Variants in SLC7A10 observed in about 807,000 individuals in gnomAD.
SLC7A10 encodes asc-type amino acid transporter 1.
In SLC7A10, 30 loss-of-function variants were observed where a neutral mutation model predicts 52.7. That is an observed-to-expected ratio of 0.57 (90% confidence interval 0.43 to 0.77). SLC7A10 has a LOEUF of 0.77. Among genes scored for constraint, SLC7A10 ranks in the 30% least tolerant of loss-of-function variants. The pLI is 0.00. For synonymous variants in SLC7A10, 318 were observed against 314.9 expected, an observed-to-expected ratio of 1.01 and a Z score of -0.10; for missense variants, 581 against 698.5, an observed-to-expected ratio of 0.83 and a Z score of 1.90.
chr19:33,213,148 A>G, intron 2 of SLC7A10, 146 bp from the exon 3 acceptor site: 1 of 1,045,916 alleles, frequency 9.6e-7, no homozygotes, highest in Non-Finnish European at 1.4e-6. Context: ...CCAGGGAGGC[A>G]GGGTTGACCT....
Position 33,209,220 on chromosome 19 carries a change from C to T in SLC7A10, c.1441+88G>A, listed in dbSNP as rs1974481555. On this transcript the variant is annotated intron_variant, in intron 10 of 10. Transcript: ENST00000253188. ...TGTTCCCACCTCAGCTGCTAGGACA[C>T]CCTGCTCTGGGGTGAGCCTCTAAGA... 7.0e-6 allele frequency: 11 copies of T among 1,577,670 alleles called. No individual in the cohort carries two copies. In the South Asian group the frequency reaches 1.1e-4, roughly 16 times the overall value.
rs190330719 is a variant in SLC7A10, at chr19:33,214,245, G to A, written c.357-1243C>T. Among the ~76,000 whole-genome samples, 23 of 152,272 alleles carry A rather than the reference G, an allele frequency of 1.5e-4. No individual in the cohort carries two copies. In the East Asian group the frequency reaches 4.3e-3, roughly 28 times the overall value. The stretch of plus-strand genomic sequence containing the variant: ...GCACCCACAGCAGCGTGCAAGCCCT[G>A]GCACGTCTCCCCATCCAAGGCTGCC... On this transcript the variant is annotated intron_variant, in intron 2 of 10. Coordinates refer to ENST00000253188, the MANE Select transcript of SLC7A10 (RefSeq NM_019849.3).
intron 1 of SLC7A10, among the ~76,000 whole-genome samples, chr19:33,222,152 A>C (rs1974807): frequency 0.2 from 29,939 of 151,732 alleles, 3,072 homozygotes; most frequent in Middle Eastern, 0.23. Flanking sequence ...TAACCCTAAC[A>C]CTCTGGGAGG....
At chr19:33,217,984 G>A (rs973658725) in intron 1 of SLC7A10, 1 of 152,280 alleles carries the variant, frequency 6.6e-6, no homozygotes, top group East Asian at 1.9e-4. Context: ...GGGCTGTAAG[G>A]TTTCTAAAGA....
intron 1 of SLC7A10, chr19:33,220,076 G>A (rs1414157032): frequency 6.6e-6 from 1 of 152,210 alleles, no homozygotes; most frequent in Admixed American, 6.5e-5. Context: ...TCAAGCGCAC[G>A]GGTGTCCTCA....
chr19:33,219,551 G>C (rs1245459069), intron 1 of SLC7A10, among the ~76,000 whole-genome samples: 1 of 152,236 alleles, frequency 6.6e-6, no homozygotes, highest in Admixed American at 6.5e-5. Flanking sequence ...GGACCCGACT[G>C]TGTGACTCAG....
intron 1 of SLC7A10, among the ~76,000 whole-genome samples, chr19:33,221,547 G>A (rs559725892): frequency 6.6e-6 from 1 of 152,282 alleles, no homozygotes; most frequent in East Asian, 1.9e-4. Flanking sequence ...ACTGTAGTGG[G>A]GAACAGCTAA....
chr19:33,211,377 TGGGCAGGAGCCA>T, intron 6 of SLC7A10, 25 bp downstream of exon 6: 1 of 1,613,570 alleles, frequency 6.2e-7, no homozygotes, highest in Non-Finnish European at 8.5e-7. Flanking sequence ...GGCAGGGGCC[TGGGCAGGAGCCA>T]GGGACCGAGC....
At position 33,212,298 on chromosome 19, in the gene SLC7A10, G is replaced by T; in HGVS notation, c.782C>A (p.Ala261Asp). The T allele has an allele frequency of 6.2e-7, 1 of 1,606,130 alleles. No homozygotes were observed. Among genetic ancestry groups the T allele is most frequent in the Non-Finnish European group, 8.5e-7 (1 of 1,176,812 alleles). ...AGTTGGGGGCCCCACTCACTTTCGG[G>T]CGTCAACCATCTCCTCGGTGACATA... ...LNYVTEEMVD[A>D]RKNLPRAIFI... Residue 261 changes from alanine to aspartate, a missense_variant, in exon 5 of 11, where the codon GCC (alanine) becomes GAC (aspartate). Transcript: ENST00000253188.
Position 33,208,949 on chromosome 19 carries a change from T to TTCTC in SLC7A10, c.1510_1513dup (p.Asn505ArgfsTer25). The TTCTC allele has an allele frequency of 6.2e-7, 1 of 1,613,654 alleles. No individual in the cohort carries two copies. The highest frequency in any genetic ancestry group is 8.5e-7 in the Non-Finnish European group (1 of 1,179,874). On this transcript the variant is annotated frameshift_variant, in exon 11 of 11. Transcript: ENST00000253188. LOFTEE classifies it high-confidence loss of function. This position sits in a 1 kb window ranked among gnomAD's most constrained non-coding sequence, Gnocchi z 4.7. ...CAGCAGGGAGGGTGGGCAGGGGCCA[T>TTCTC]TCTCCTCCTCTTCGGGGGCGTCCTG...
intron 1 of SLC7A10, chr19:33,219,935 G>A (rs971821800): frequency 6.6e-6 from 1 of 152,180 alleles, no homozygotes; most frequent in Non-Finnish European, 1.5e-5. Flanking sequence ...AAGTGCTTTT[G>A]GATCTCCCTA....
At chr19:33,211,081 C>G in intron 7 of SLC7A10, 144 bp downstream of exon 7, 1 of 983,544 alleles carries the variant, frequency 1.0e-6, no homozygotes, top group Non-Finnish European at 1.6e-6. Flanking sequence ...TGATCAGACA[C>G]TTGTTACCGT....
chr19:33,225,449 G>A, intron 1 of SLC7A10, 104 bp downstream of exon 1: 1 of 1,402,974 alleles, frequency 7.1e-7, no homozygotes, highest in Non-Finnish European at 9.8e-7. Context: ...AGGTTCCCCA[G>A]GCAGACCCGT....
Position 33,212,899 on chromosome 19 carries a change from A to C in SLC7A10, c.460T>G (p.Cys154Gly), listed in dbSNP as rs759595634. 1.1e-5 allele frequency: 18 copies of C among 1,614,024 alleles called. No individual in the cohort carries two copies. Among genetic ancestry groups the C allele is most frequent in the Non-Finnish European group, 1.5e-5 (18 of 1,180,006 alleles). ...NYVLQPVFPN[C>G]IPPTTASRVL... is the part of the protein sequence containing the mutation. ...CGGGAGGCTGTGGTGGGGGGGATGC[A>C]GTTGGGGAACACGGGCTGCAGCACG... The change falls in exon 3 of 11, where the codon TGC becomes GGC. Residue 154 changes from cysteine (C) to glycine (G), a missense_variant. Physicochemically the swap from Cys to Gly is radical, Grantham distance 159. Transcript: ENST00000253188.
rs1477606788 is a variant in SLC7A10 at position 33,225,739 on chromosome 19, C to A, written c.-36G>T. ...CGCCGCGTCCCCGCTCCCTGCGCTG[C>A]CCCGTCTGTCCGGCCGGCCGCCCGT... On this transcript the variant is annotated 5_prime_UTR_variant, in exon 1 of 11. Transcript: ENST00000253188. 1 of 1,467,648 alleles carries A rather than the reference C, an allele frequency of 6.8e-7. No individual in the cohort carries two copies. The highest frequency in any genetic ancestry group is 2.5e-5 in the Admixed American group (1 of 40,664). 90.9% of individuals were successfully genotyped at this position (1,467,648 alleles called of 1,614,324 possible).
At chr19:33,211,727 C>G in intron 5 of SLC7A10, 190 bp from the exon 6 acceptor site, 1 of 1,084,944 alleles carries the variant, frequency 9.2e-7, no homozygotes, top group Non-Finnish European at 1.3e-6. Flanking sequence ...CCCACCTGGA[C>G]ACAGGCTGGT....
Position 33,212,437 on chromosome 19 carries a change from C to G in SLC7A10, c.643G>C (p.Glu215Gln). The G allele has an allele frequency of 6.2e-7, 1 of 1,613,928 alleles. No individual in the cohort carries two copies. The highest frequency in any genetic ancestry group is 8.5e-7 in the Non-Finnish European group (1 of 1,180,036). The part of the protein sequence containing the change: ...GLLQIFQGHF[E>Q]ELRPSNAFAF... ...AAGGCATTGCTGGGCCTCAGCTCCTCGAAGTGTCCTGGAGGCCCAGAAGTC... is the reference window on the plus strand; with the variant it reads ...AAGGCATTGCTGGGCCTCAGCTCCTGGAAGTGTCCTGGAGGCCCAGAAGTC... The change falls in exon 5 of 11, where the codon GAG (glutamate) becomes CAG (glutamine). Residue 215 changes from glutamate (E) to glutamine (Q), a missense_variant. By Grantham distance (29) the Glu-to-Gln change is conservative. Coordinates refer to ENST00000253188, the MANE Select transcript of SLC7A10 (RefSeq NM_019849.3).
chr19:33,210,574 T>C lies in SLC7A10; in HGVS notation c.1156A>G (p.Thr386Ala), dbSNP rs772026103. ...ATGAAGGACACATAGTTGATGAGCG[T>C]GTACGTGTCGCCCACGAGCATGATG... ...AVIMLVGDTY[T>A]LINYVSFINY... is the part of the protein sequence containing the mutation. The change falls in exon 9 of 11, where the codon ACG becomes GCG. Residue 386 changes from threonine to alanine, a missense_variant. Coordinates refer to ENST00000253188, the MANE Select transcript of SLC7A10 (RefSeq NM_019849.3). This position sits in a 1 kb window ranked among gnomAD's most constrained non-coding sequence, Gnocchi z 5.6. The C allele has an allele frequency of 2.3e-5, 37 of 1,612,018 alleles. No homozygotes were observed. The highest frequency in any genetic ancestry group is 5.0e-5 in the Admixed American group (3 of 60,002).
chr19:33,222,743 C>G (rs1974838828), intron 1 of SLC7A10, among the ~76,000 whole-genome samples: 1 of 152,216 alleles, frequency 6.6e-6, no homozygotes, highest in Non-Finnish European at 1.5e-5. Context: ...CCTGCCCCAG[C>G]CAGTTCTATT....
Sources: allele counts gnomAD v4.1 joint callset (sites outside exome capture counted in the v4.1 genomes callset), GRCh38; gene constraint gnomAD v4.1.1; non-coding constraint Gnocchi (gnomAD v3.1); transcripts MANE v1.5; gene names NCBI Gene and HGNC (gene_info 2026-07-23, HGNC 2026-07-21).